The following COPG2 variants were observed in gnomAD, a reference collection of about 807,000 sequenced individuals.
COPG2 encodes coat protein complex I subunit gamma 2.
A neutral mutation model predicts 46.3 loss-of-function variants in COPG2; 37 were observed. The observed-to-expected ratio is 0.80, with a 90% CI of 0.61 to 1.05. The LOEUF is 1.05. Ranked by LOEUF, COPG2 falls within the 50% of genes least tolerant of loss-of-function variation. The probability of loss-of-function intolerance (pLI) is 0.00; values close to 1 mark genes in which losing one functional copy is unlikely to be tolerated. For missense variants in COPG2, 427 were observed against 387.8 expected (o/e 1.10, Z -0.85); for synonymous variants, 159 against 129.7 (o/e 1.23, Z -1.53).
Position 130,536,181 on chromosome 7 carries a change from G to A in COPG2, c.2149+11493C>T, listed in dbSNP as rs1799877645. Among the ~76,000 whole-genome samples the A allele has an allele frequency of 2.0e-5, 3 of 152,238 alleles. No homozygotes were observed. In the South Asian group the frequency reaches 6.2e-4, roughly 32 times the overall value. ...GCTTTTGGGCACGATGTGTGTTAAG[G>A]GGTAAATGGGGCAGACAATGAGGTG... is the stretch of plus-strand genomic sequence containing the variant. On this transcript the variant is annotated intron_variant, in intron 20 of 23. Coordinates refer to ENST00000425248, the MANE Select transcript of COPG2 (RefSeq NM_012133.6).
At chr7:130,522,645 A>T (rs1382058193) in intron 20 of COPG2, among the ~76,000 whole-genome samples, 1 of 152,084 alleles carries the variant, frequency 6.6e-6, no homozygotes, top group Non-Finnish European at 1.5e-5. Flanking sequence ...AGAGGAAGAA[A>T]AGGAAATGTG....
chr7:130,623,764 T>C (rs376193107), intron 5 of COPG2, among the ~76,000 whole-genome samples: 15 of 152,188 alleles, frequency 9.9e-5, no homozygotes, highest in African/African-American at 3.6e-4. Context: ...GGTGGGAGGA[T>C]TGCTTGAGCC....
chr7:130,637,396 A>G (rs1461554381), intron 5 of COPG2, among the ~76,000 whole-genome samples: 1 of 152,090 alleles, frequency 6.6e-6, no homozygotes, highest in African/African-American at 2.4e-5. Flanking sequence ...ACATAGTCCC[A>G]TATTTCTTGG....
chr7:130,638,871 G>T (rs1414190811), intron 5 of COPG2, among the ~76,000 whole-genome samples: 1 of 152,232 alleles, frequency 6.6e-6, no homozygotes, highest in East Asian at 1.9e-4. Flanking sequence ...AGGCACCAGA[G>T]GGAATCTCCT....
intron 9 of COPG2, among the ~76,000 whole-genome samples, chr7:130,599,802 A>G (rs1236554743): frequency 6.6e-6 from 1 of 152,180 alleles, no homozygotes; most frequent in African/African-American, 2.4e-5. Context: ...ATGATCAAGG[A>G]GGATATATAA....
chr7:130,513,308 A>AAATATATATATAT (rs1236511164), intron 20 of COPG2, among the ~76,000 whole-genome samples: 1 of 55,672 alleles, frequency 1.8e-5, no homozygotes, highest in African/African-American at 9.5e-5. Flanking sequence ...AAAAAAAAAA[A>AAATATATATATAT]ATATATATAT....
chr7:130,616,058 TCTC>T (rs782021184), intron 6 of COPG2, among the ~76,000 whole-genome samples: 34 of 152,206 alleles, frequency 2.2e-4, no homozygotes, highest in South Asian at 6.2e-4. Flanking sequence ...GAAGACATTG[TCTC>T]CTCAAGGCTT....
At chr7:130,590,986 C>T (rs1446874860) in intron 9 of COPG2, among the ~76,000 whole-genome samples, 45 of 151,748 alleles carry the variant, frequency 3.0e-4, no homozygotes, top group African/African-American at 8.9e-4. Flanking sequence ...CCGGCAGCCA[C>T]CCCGTCTGGG....
intron 20 of COPG2, among the ~76,000 whole-genome samples, chr7:130,523,761 G>A (rs936376063): frequency 3.6e-4 from 53 of 146,406 alleles, no homozygotes; most frequent in African/African-American, 1.3e-3. Context: ...AGAGAGCAGG[G>A]GATCTGTTGT....
intron 5 of COPG2, chr7:130,645,197 C>T (rs1247080777): frequency 1.5e-6 from 1 of 669,656 alleles, no homozygotes; most frequent in Admixed American, 1.8e-5. Flanking sequence ...AGAGAGTACC[C>T]CCTTTCCAGA....
At chr7:130,537,685 A>T (rs1584966557) in intron 20 of COPG2, among the ~76,000 whole-genome samples, 2 of 152,346 alleles carry the variant, frequency 1.3e-5, no homozygotes, top group East Asian at 3.9e-4. Flanking sequence ...GAGCTTGTTG[A>T]GAGGATCAGG....
chr7:130,610,893 C>T (rs2116502664), intron 9 of COPG2, 60 bp downstream of exon 9: 1 of 1,553,180 alleles, frequency 6.4e-7, no homozygotes, highest in Non-Finnish European at 8.9e-7. Flanking sequence ...AGGAAATAAA[C>T]TCTAAGGTAT....
At chr7:130,533,669 G>A (rs935983141) in intron 20 of COPG2, among the ~76,000 whole-genome samples, 1 of 152,156 alleles carries the variant, frequency 6.6e-6, no homozygotes, top group Non-Finnish European at 1.5e-5. Flanking sequence ...TAGGGACAAA[G>A]AAGCTGGCAG....
intron 10 of COPG2, among the ~76,000 whole-genome samples, chr7:130,563,957 A>C (rs934093239): frequency 2.2e-3 from 332 of 152,132 alleles, no homozygotes; most frequent in Admixed American, 5.3e-3. Context: ...ATGTTTTCAA[A>C]AGTTTCATAC....
intron 9 of COPG2, among the ~76,000 whole-genome samples, chr7:130,591,103 C>T (rs1223934372): frequency 3.3e-5 from 4 of 122,058 alleles, no homozygotes; most frequent in African/African-American, 1.1e-4. Flanking sequence ...GGGGGGTCAG[C>T]CCCCCGCCCG....
intron 4 of COPG2, among the ~76,000 whole-genome samples, chr7:130,654,406 G>C (rs1416008155): frequency 6.6e-6 from 1 of 152,106 alleles, no homozygotes; most frequent in African/African-American, 2.4e-5. Context: ...TATTCTTCAA[G>C]CACAAGGAAA....
chr7:130,659,217 T>C (rs797025009), intron 4 of COPG2, among the ~76,000 whole-genome samples: 5 of 151,408 alleles, frequency 3.3e-5, no homozygotes, highest in African/African-American at 1.2e-4. Flanking sequence ...TATCCAGGTG[T>C]GGTGGCGGGT....
intron 20 of COPG2, chr7:130,509,191 AAAGT>A (rs1799554991): frequency 8.6e-6 from 4 of 462,514 alleles, no homozygotes; most frequent in South Asian, 1.6e-5. Flanking sequence ...CCTTCAGCCT[AAAGT>A]GAGTAGGTCA....
rs1343481001 is a variant in COPG2, at chr7:130,561,154, G to A, written c.1007C>T (p.Ser336Leu). 3 of 398,424 alleles carry A rather than the reference G, an allele frequency of 7.5e-6. No homozygotes were observed. The highest frequency in any genetic ancestry group is 4.1e-5 in the African/African-American group (2 of 48,612). The allele number at this position is 398,424 out of a possible 1,614,324, so 24.7% of individuals were successfully genotyped here. The change falls in exon 12 of 24, where the codon TCA becomes TTA. Residue 336 changes from serine to leucine, a missense_variant. Coordinates refer to ENST00000425248, the MANE Select transcript of COPG2 (RefSeq NM_012133.6). ...GGCTAAGGTAGCAATGCTTCTGTTT[G>A]AGTCTGTGATTAAGTTTTCTAAGTC... ...NLDLENLITD[S>L]NRSIATLAIT... is the part of the protein sequence containing the mutation.
Sources: allele counts gnomAD v4.1 joint callset (sites outside exome capture counted in the v4.1 genomes callset), GRCh38; gene constraint gnomAD v4.1.1; transcripts MANE v1.5; gene names NCBI Gene and HGNC (gene_info 2026-07-23, HGNC 2026-07-21).